HINT3: variants seen among roughly 807,000 people sequenced by gnomAD.
HINT3 encodes histidine triad nucleotide binding protein 3, also known as adenosine 5'-monophosphoramidase HINT3.
HINT3 carries 16 observed loss-of-function variants against 19.1 expected under a neutral mutation model. The observed-to-expected ratio is 0.84, with a 90% CI of 0.57 to 1.27. The LOEUF (loss-of-function observed/expected upper bound fraction) is 1.27, where lower values mean the gene tolerates loss of function less well. Among genes scored for constraint, HINT3 ranks in the 50% most tolerant of loss-of-function variants. The pLI, the probability that HINT3 is intolerant of heterozygous loss-of-function variation, is 0.00. For missense variants in HINT3, 197 were observed against 225.8 expected (o/e 0.87, Z 0.82); for synonymous variants, 75 against 84.8 (o/e 0.88, Z 0.63).
chr6:125,972,234 A>G, intron 2 of HINT3, 25 bp from the exon 3 acceptor site: 1 of 1,477,142 alleles, frequency 6.8e-7, no homozygotes, highest in East Asian at 2.4e-5. Flanking sequence ...CTCTAGTGTA[A>G]TGTTGTGTCT....
intron 1 of HINT3, among the ~76,000 whole-genome samples, chr6:125,966,646 T>C (rs1288974220): frequency 1.3e-5 from 2 of 152,232 alleles, no homozygotes; most frequent in Non-Finnish European, 2.9e-5. Context: ...TAGTGAACTT[T>C]ACTCATAATT....
At chr6:125,966,784 T>C (rs1484979083) in intron 1 of HINT3, 103 bp from the exon 2 acceptor site, 3 of 704,138 alleles carry the variant, frequency 4.3e-6, no homozygotes, top group Non-Finnish European at 7.0e-6. Flanking sequence ...GTAACATAAG[T>C]ATCATTTCCC....
At chr6:125,971,785 C>T (rs1216795008) in intron 2 of HINT3, among the ~76,000 whole-genome samples, 1 of 145,816 alleles carries the variant, frequency 6.9e-6, no homozygotes, top group African/African-American at 2.6e-5. Context: ...TCTCGGCTCA[C>T]TGCAATCTCT....
chr6:125,957,840 A>G (rs1464106166), intron 1 of HINT3, among the ~76,000 whole-genome samples: 1 of 152,232 alleles, frequency 6.6e-6, no homozygotes, highest in African/African-American at 2.4e-5. Flanking sequence ...TTGTCCATAT[A>G]GAAACAACTT....
chr6:125,974,859 T>C lies in HINT3; in HGVS notation c.402T>C (p.His134=). The change falls in exon 4 of 5, where the codon CAT becomes CAC. Residue 134 remains histidine, a synonymous_variant. Coordinates refer to ENST00000229633, the MANE Select transcript of HINT3 (RefSeq NM_138571.5). ...TDFTNVRMGF[H]MPPFCSISHL... ...CTTTCTATTTTAGGATGGGTTTTCATATGCCACCATTCTGTTCCATTTCCC... is the reference window on the plus strand; with the variant it reads ...CTTTCTATTTTAGGATGGGTTTTCACATGCCACCATTCTGTTCCATTTCCC... 6.2e-7 allele frequency: 1 copy of C among 1,613,256 alleles called. No homozygotes were observed. Among genetic ancestry groups the C allele is most frequent in the Non-Finnish European group, 8.5e-7 (1 of 1,179,458 alleles).
intron 2 of HINT3, among the ~76,000 whole-genome samples, chr6:125,971,159 A>G (rs1789091731): frequency 6.6e-6 from 1 of 152,248 alleles, no homozygotes; most frequent in Non-Finnish European, 1.5e-5. Context: ...TCCCACCTGA[A>G]GGCCATAAAA....
intron 3 of HINT3, among the ~76,000 whole-genome samples, chr6:125,972,879 C>T (rs948633670): frequency 6.6e-6 from 1 of 152,000 alleles, no homozygotes; most frequent in African/African-American, 2.4e-5. Context: ...GTGTGAGTCA[C>T]CACACCCAGC....
At chr6:125,963,971 C>T (rs897462412) in intron 1 of HINT3, among the ~76,000 whole-genome samples, 1 of 152,176 alleles carries the variant, frequency 6.6e-6, no homozygotes, top group Non-Finnish European at 1.5e-5. Flanking sequence ...AAGGGTGTAT[C>T]AGTAACTTTA....
At chr6:125,973,009 C>T (rs1045454607) in intron 3 of HINT3, among the ~76,000 whole-genome samples, 3 of 143,614 alleles carry the variant, frequency 2.1e-5, no homozygotes, top group Non-Finnish European at 3.0e-5. Context: ...GTGAAATTAA[C>T]TTGAATTTGT....
intron 1 of HINT3, among the ~76,000 whole-genome samples, chr6:125,961,038 A>G (rs1038261844): frequency 1.3e-5 from 2 of 152,206 alleles, no homozygotes; most frequent in Non-Finnish European, 2.9e-5. Flanking sequence ...AATAGTCATC[A>G]AAAGGGGTGG....
In HINT3 at chr6:125,978,931, A is replaced by G. The variant is rs994191845; in HGVS notation, c.*1255A>G. On this transcript the variant is annotated 3_prime_UTR_variant, in exon 5 of 5. Transcript: ENST00000229633. Reference sequence around the variant, plus strand: ...TGCCAGGATCAGGAAATAAAGAACTAAAAATGGACATTCAGACTGCAATTG... The same window carrying G: ...TGCCAGGATCAGGAAATAAAGAACTGAAAATGGACATTCAGACTGCAATTG... 6.6e-6 allele frequency: 1 copy of G among 152,220 alleles called. No homozygotes were observed. The highest frequency in any genetic ancestry group is 2.4e-5 in the African/African-American group (1 of 41,448). 9.4% of individuals were successfully genotyped at this position (152,220 alleles called of 1,614,324 possible).
chr6:125,966,421 A>G (rs1249618667), intron 1 of HINT3, among the ~76,000 whole-genome samples: 3 of 152,340 alleles, frequency 2.0e-5, no homozygotes, highest in Non-Finnish European at 4.4e-5. Flanking sequence ...AAAAAATGCA[A>G]TCCCTGGACA....
rs1789229554 is a variant in HINT3 at position 125,980,128 on chromosome 6, T to G, written c.*2452T>G. 1 of 152,210 alleles carries G rather than the reference T, an allele frequency of 6.6e-6. No individual in the cohort carries two copies. Among genetic ancestry groups the G allele is most frequent in the African/African-American group, 2.4e-5 (1 of 41,464 alleles). The allele number at this position is 152,210 out of a possible 1,614,324, so 9.4% of individuals were successfully genotyped here. A position where few individuals can be genotyped will look rare whatever the true frequency, so the allele number is the denominator to read the frequency against. On this transcript the variant is annotated 3_prime_UTR_variant, in exon 5 of 5. Coordinates refer to ENST00000229633, the MANE Select transcript of HINT3 (RefSeq NM_138571.5). ...ATTCATAACCTGTCTTAAAAATGTTTGAAGTGGTATCAAGAGCATTGTTTA... is the reference window on the plus strand; with the variant it reads ...ATTCATAACCTGTCTTAAAAATGTTGGAAGTGGTATCAAGAGCATTGTTTA...
At chr6:125,966,702 C>A (rs1789022246) in intron 1 of HINT3, among the ~76,000 whole-genome samples, 185 bp from the exon 2 acceptor site, 1 of 152,096 alleles carries the variant, frequency 6.6e-6, no homozygotes, top group Admixed American at 6.6e-5. Context: ...TCTCTGGAAT[C>A]AATAAGCATC....
In HINT3 at chr6:125,978,053, T is replaced by C. The variant is rs1789202426; in HGVS notation, c.*377T>C. On this transcript the variant is annotated 3_prime_UTR_variant, in exon 5 of 5. Coordinates refer to ENST00000229633, the MANE Select transcript of HINT3 (RefSeq NM_138571.5). Reference sequence around the variant, plus strand: ...ATGAAGAATAAACTACTATAGAAAGTACTTTGTGGGAACCTTTATTACTGT... The same window carrying C: ...ATGAAGAATAAACTACTATAGAAAGCACTTTGTGGGAACCTTTATTACTGT... 1 of 157,694 alleles carries C rather than the reference T, an allele frequency of 6.3e-6. No individual in the cohort carries two copies. Among genetic ancestry groups the C allele is most frequent in the Non-Finnish European group, 1.4e-5 (1 of 71,908 alleles). 9.8% of individuals were successfully genotyped at this position (157,694 alleles called of 1,614,324 possible).
At chr6:125,974,596 A>G (rs1789154461) in intron 3 of HINT3, among the ~76,000 whole-genome samples, 1 of 152,238 alleles carries the variant, frequency 6.6e-6, no homozygotes, top group African/African-American at 2.4e-5. Flanking sequence ...CATAAAGATT[A>G]TATTGAGGCG....
At chr6:125,965,909 A>G (rs189184575) in intron 1 of HINT3, among the ~76,000 whole-genome samples, 143 of 152,324 alleles carry the variant, frequency 9.4e-4, no homozygotes, top group Middle Eastern at 3.4e-3. Flanking sequence ...TTGATATATA[A>G]TTATCATGTT....
Position 125,962,289 on chromosome 6 carries a change from CATAT to C in HINT3, c.202-4583_202-4580del, listed in dbSNP as rs750228860. On this transcript the variant is annotated intron_variant, in intron 1 of 4. Coordinates refer to ENST00000229633, the MANE Select transcript of HINT3 (RefSeq NM_138571.5). Reference sequence around the variant, plus strand: ...ATATATACATACATATATATATACACATATATATATATATATATCACACATATAT... The same window carrying C: ...ATATATACATACATATATATATACACATATATATATATATCACACATATAT... 1.2e-3 allele frequency among the ~76,000 whole-genome samples: 84 copies of C among 68,882 alleles called. 7 individuals carry two copies. The highest frequency in any genetic ancestry group is 3.9e-3 in the Admixed American group (27 of 6,874). The allele number at this position is 68,882 out of a possible 152,430, so 45.2% of individuals were successfully genotyped here.
intron 2 of HINT3, among the ~76,000 whole-genome samples, chr6:125,967,369 T>G (rs1393361124): frequency 7.3e-6 from 1 of 137,716 alleles, no homozygotes. Flanking sequence ...TCTTGTTCAG[T>G]CACCCAGGCT....
Sources: gnomAD v4.1 joint callset for allele counts (sites outside exome capture counted in the v4.1 genomes callset) on GRCh38, gnomAD v4.1.1 for gene constraint, MANE v1.5 for transcripts, NCBI Gene and HGNC (gene_info 2026-07-23, HGNC 2026-07-21) for gene names.